The following DDR2 variants were observed in gnomAD, a reference collection of about 807,000 sequenced individuals.
DDR2 encodes the protein discoidin domain-containing receptor 2.
Under a neutral mutation model 94.9 loss-of-function variants are expected in DDR2, and 27 were observed. The observed-to-expected ratio is 0.28, with a 90% CI of 0.21 to 0.39. The LOEUF (loss-of-function observed/expected upper bound fraction) is 0.39, where lower values mean the gene tolerates loss of function less well. DDR2 is among the 10% of genes least tolerant of loss of function. The probability of loss-of-function intolerance (pLI) is 1.00; values close to 1 mark genes in which losing one functional copy is unlikely to be tolerated. For synonymous variants in DDR2, 382 were observed against 377.2 expected (o/e 1.01, Z -0.15); for missense variants, 783 against 1,076.0 (o/e 0.73, Z 3.81).
intron 3 of DDR2, among the ~76,000 whole-genome samples, chr1:162,729,292 ATATATATAT>A (rs1373130336): frequency 1.3e-4 from 3 of 23,830 alleles, no homozygotes; most frequent in East Asian, 9.4e-4. Context: ...ATATATATAT[ATATATATAT>A]TTTTTTTTTT....
chr1:162,719,628 A>T (rs1395297913), intron 3 of DDR2, among the ~76,000 whole-genome samples: 1 of 152,122 alleles, frequency 6.6e-6, no homozygotes, highest in African/African-American at 2.4e-5. Context: ...CTAAAAATAG[A>T]TAGGTTAGGA....
chr1:162,776,028 G>A, intron 15 of DDR2, 108 bp from the exon 16 acceptor site: 1 of 1,320,774 alleles, frequency 7.6e-7, no homozygotes, highest in Non-Finnish European at 1.1e-6. Context: ...AGTAGAGAAA[G>A]AATGTTGAGC....
At chr1:162,727,454 CTA>C (rs1661748418) in intron 3 of DDR2, among the ~76,000 whole-genome samples, 1 of 139,638 alleles carries the variant, frequency 7.2e-6, no homozygotes, top group African/African-American at 2.6e-5. Flanking sequence ...ATAGATATAT[CTA>C]TATGTTCACA....
chr1:162,696,429 C>A (rs1340330439), intron 2 of DDR2, among the ~76,000 whole-genome samples: 1 of 151,624 alleles, frequency 6.6e-6, no homozygotes, highest in Non-Finnish European at 1.5e-5. Flanking sequence ...CCTCTGGGCT[C>A]CAGCTCTGGC....
Position 162,780,251 on chromosome 1 carries a change from G to A in DDR2, c.*5G>A, listed in dbSNP as rs776142581. 1 of 1,613,748 alleles carries A rather than the reference G, an allele frequency of 6.2e-7. No homozygotes were observed. Among genetic ancestry groups the A allele is most frequent in the Non-Finnish European group, 8.5e-7 (1 of 1,179,840 alleles). On this transcript the variant is annotated 3_prime_UTR_variant, in exon 18 of 18. Coordinates refer to ENST00000367921, the MANE Select transcript of DDR2 (RefSeq NM_006182.4). The stretch of plus-strand genomic sequence containing the variant: ...CTTCAACAAGGCGACGAGTGATGCT[G>A]TCAGTGCCTGGCCATGTTCCTACGG...
rs184380730 is a variant in DDR2 at position 162,732,395 on chromosome 1, G to T, written c.82+13250G>T. Among the ~76,000 whole-genome samples the T allele has an allele frequency of 1.4e-3, 220 of 152,296 alleles. 1 individual carries two copies. Among genetic ancestry groups the T allele is most frequent in the African/African-American group, 5.1e-3 (210 of 41,566 alleles). ...TTAAGTGGACTACCTTGTCCTTTCA[G>T]AAACTGGAAGAACTAGACCATGGTA... On this transcript the variant is annotated intron_variant, in intron 3 of 17. Transcript: ENST00000367921.
upstream of DDR2, chr1:162,631,321 C>T (rs1656552107): frequency 6.6e-6 from 1 of 152,050 alleles, no homozygotes; most frequent in Admixed American, 6.6e-5. Context: ...TTCCTGTTTG[C>T]TCACTTCTTT....
chr1:162,766,138 A>G, intron 10 of DDR2, 75 bp downstream of exon 10: 3 of 1,527,454 alleles, frequency 2.0e-6, no homozygotes, highest in Non-Finnish European at 2.7e-6. Context: ...GAGAGTTGCA[A>G]AGCCCTGGCT....
In DDR2 at chr1:162,735,352, C is replaced by G. The variant is rs898149052; in HGVS notation, c.82+16207C>G. On this transcript the variant is annotated intron_variant, in intron 3 of 17. Coordinates refer to ENST00000367921, the MANE Select transcript of DDR2 (RefSeq NM_006182.4). Reference sequence around the variant, plus strand: ...AACAAGTTATTTACATGAAATGAAGCCTCATGTCCTCCCCTACTTCCTCTA... The same window carrying G: ...AACAAGTTATTTACATGAAATGAAGGCTCATGTCCTCCCCTACTTCCTCTA... 3.3e-5 allele frequency among the ~76,000 whole-genome samples: 5 copies of G among 152,140 alleles called. No individual in the cohort carries two copies. In the South Asian group the frequency reaches 1.0e-3, roughly 32 times the overall value.
At position 162,753,080 on chromosome 1, in the gene DDR2, T is replaced by A. The variant is rs1279760492; in HGVS notation, c.83-15T>A. On this transcript the variant is annotated splice_polypyrimidine_tract_variant and intron_variant, in intron 3 of 17. Transcript: ENST00000367921. ...ACCATGTCCTCTCTTTTCTCTTTGG[T>A]TTCTCTTGGTCTAGCTATATGCCGC... 1 of 1,609,412 alleles carries A rather than the reference T, an allele frequency of 6.2e-7. No homozygotes were observed. Among genetic ancestry groups the A allele is most frequent in the Non-Finnish European group, 8.5e-7 (1 of 1,176,306 alleles).
chr1:162,766,071 T>C lies in DDR2; in HGVS notation c.1162+8T>C. On this transcript the variant is annotated splice_region_variant and intron_variant, in intron 10 of 17. Transcript: ENST00000367921. Reference sequence around the variant, plus strand: ...TGGCACCCACAACCTATGGTATATGTGATTCCTAATTACACAAATTAATTT... The same window carrying C: ...TGGCACCCACAACCTATGGTATATGCGATTCCTAATTACACAAATTAATTT... The C allele has an allele frequency of 6.2e-7, 1 of 1,613,770 alleles. No homozygotes were observed. The highest frequency in any genetic ancestry group is 1.1e-5 in the South Asian group (1 of 91,068).
intron 2 of DDR2, among the ~76,000 whole-genome samples, chr1:162,685,119 T>C (rs114662595): frequency 5.4e-4 from 82 of 152,300 alleles, no homozygotes; most frequent in African/African-American, 1.9e-3. Flanking sequence ...TTTTTAACTA[T>C]TGGGTGCCTT....
At chr1:162,737,190 G>T in intron 3 of DDR2, among the ~76,000 whole-genome samples, 1 of 145,004 alleles carries the variant, frequency 6.9e-6, no homozygotes. Flanking sequence ...TAAGTTTTAG[G>T]GTACATGTGC....
intron 3 of DDR2, among the ~76,000 whole-genome samples, chr1:162,728,008 A>C (rs979327140): frequency 7.0e-6 from 1 of 142,804 alleles, no homozygotes; most frequent in African/African-American, 2.6e-5. Flanking sequence ...ATCTATATAT[A>C]TATAGATATA....
chr1:162,675,014 CG>C (rs1461415442), intron 2 of DDR2, among the ~76,000 whole-genome samples: 1 of 151,920 alleles, frequency 6.6e-6, no homozygotes, highest in Non-Finnish European at 1.5e-5. Context: ...AAAAACTAGC[CG>C]GGCATGGTGG....
intron 14 of DDR2, among the ~76,000 whole-genome samples, chr1:162,775,203 G>GT (rs1647461845): frequency 6.6e-6 from 1 of 151,320 alleles, no homozygotes; most frequent in African/African-American, 2.4e-5. Context: ...GCCAAAGATG[G>GT]TTGTTCACAT....
At chr1:162,668,880 A>T (rs1658704534) in intron 2 of DDR2, among the ~76,000 whole-genome samples, 1 of 152,220 alleles carries the variant, frequency 6.6e-6, no homozygotes, top group South Asian at 2.1e-4. Context: ...TCTTTCTAGG[A>T]CACAATTCAA....
intron 2 of DDR2, among the ~76,000 whole-genome samples, chr1:162,668,481 A>C (rs1348247712): frequency 6.6e-6 from 1 of 152,224 alleles, no homozygotes; most frequent in Admixed American, 6.5e-5. Flanking sequence ...CTAGAAGTCC[A>C]AGATCAAGGT....
At chr1:162,638,423 A>G (rs1472178143) in intron 1 of DDR2, among the ~76,000 whole-genome samples, 1 of 152,238 alleles carries the variant, frequency 6.6e-6, no homozygotes. Context: ...CAAGCATTAA[A>G]GAACAAACTC....
Sources: allele counts gnomAD v4.1 joint callset (sites outside exome capture counted in the v4.1 genomes callset), GRCh38; gene constraint gnomAD v4.1.1; transcripts MANE v1.5; gene names NCBI Gene and HGNC (gene_info 2026-07-23, HGNC 2026-07-21).